UQCRC1: variants seen among roughly 807,000 people sequenced by gnomAD.
UQCRC1 encodes ubiquinol-cytochrome c reductase core protein 1, also known as cytochrome b-c1 complex subunit 1, mitochondrial.
A neutral mutation model predicts 58.0 loss-of-function variants in UQCRC1; 34 were observed. The ratio of observed to expected loss-of-function variants is 0.59; its 90% CI spans 0.45 to 0.78. UQCRC1 has a LOEUF of 0.78. UQCRC1 is among the 30% of genes least tolerant of loss of function. The pLI is 0.00. For missense variants in UQCRC1, 610 were observed against 646.0 expected (o/e 0.94, Z 0.60); for synonymous variants, 276 against 248.8 (o/e 1.11, Z -1.03).
At chr3:48,605,744 G>C in intron 3 of UQCRC1, 26 bp downstream of exon 3, 1 of 1,610,516 alleles carries the variant, frequency 6.2e-7, no homozygotes, top group Non-Finnish European at 8.5e-7. Context: ...CCTAAGCCCA[G>C]AGGAGACAGA....
Position 48,604,725 on chromosome 3 carries a change from GC to G in UQCRC1, c.352del (p.Ala118ProfsTer50). On this transcript the variant is annotated frameshift_variant, in exon 4 of 13. Transcript: ENST00000203407. LOFTEE classifies it high-confidence loss of function. ...ALEKEVESMG[A>X]HLNAYSTREH... Reference sequence around the variant, plus strand: ...CCGGGTGCTGTAGGCATTAAGATGGGCCCCCATGCTCTCCACCTCCTTCTCC... The same window carrying G: ...CCGGGTGCTGTAGGCATTAAGATGGGCCCCATGCTCTCCACCTCCTTCTCC... The G allele has an allele frequency of 1.9e-6, 3 of 1,614,080 alleles. No individual in the cohort carries two copies. Among genetic ancestry groups the G allele is most frequent in the Non-Finnish European group, 2.5e-6 (3 of 1,179,992 alleles).
intron 8 of UQCRC1, 40 bp downstream of exon 8, chr3:48,600,935 T>G: frequency 6.2e-7 from 1 of 1,602,378 alleles, no homozygotes; most frequent in Non-Finnish European, 8.5e-7. Context: ...GCACCCTCTC[T>G]TCCCTGAAGG....
rs191821836 is a variant in UQCRC1, at chr3:48,604,366, G to A, written c.493C>T (p.Arg165Cys). Residue 165 changes from arginine (R) to cysteine (C), a missense_variant, in exon 5 of 13, where the codon CGT becomes TGT. Coordinates refer to ENST00000203407, the MANE Select transcript of UQCRC1 (RefSeq NM_003365.3). ...TGCATCTCCCGCAGGATCACATCAC[G>A]TTCCTTCTCAATCTGTGAGTCTTCC... ...SLEDSQIEKE[R>C]DVILREMQEN... The A allele has an allele frequency of 2.5e-6, 4 of 1,614,186 alleles. No homozygotes were observed. Among genetic ancestry groups the A allele is most frequent in the East Asian group, 2.2e-5 (1 of 44,890 alleles).
At position 48,600,645 on chromosome 3, in the gene UQCRC1, G is replaced by C. The variant is rs778046409; in HGVS notation, c.1127+35C>G. ...GCCTCCCACTGTGCTGGTTAAAGCC[G>C]CCATCCCACCTAGGAATACCAGGCT... On this transcript the variant is annotated intron_variant, in intron 9 of 12. Coordinates refer to ENST00000203407, the MANE Select transcript of UQCRC1 (RefSeq NM_003365.3). The C allele has an allele frequency of 2.5e-6, 4 of 1,613,878 alleles. No individual in the cohort carries two copies. The Admixed American group carries it at 6.7e-5, about 27-fold the overall frequency.
At position 48,600,525 on chromosome 3, in the gene UQCRC1, C is replaced by CCGGG; in HGVS notation, c.1166_1169dup (p.Gly391ProfsTer22). 1 of 1,614,058 alleles carries CCGGG rather than the reference C, an allele frequency of 6.2e-7. No individual in the cohort carries two copies. Among genetic ancestry groups the CCGGG allele is most frequent in the Non-Finnish European group, 8.5e-7 (1 of 1,180,002 alleles). ...GGGCATTTCTGAGGATGTTTTTGCCCCGGGCCACCTCACTCTCCGTGGCAC... is the reference window on the plus strand; with the variant it reads ...GGGCATTTCTGAGGATGTTTTTGCCCCGGGCGGGCCACCTCACTCTCCGTGGCAC... On this transcript the variant is annotated frameshift_variant, in exon 10 of 13. Coordinates refer to ENST00000203407, the MANE Select transcript of UQCRC1 (RefSeq NM_003365.3). LOFTEE classifies it high-confidence loss of function.
chr3:48,599,933 C>T, intron 11 of UQCRC1, 130 bp downstream of exon 11: 2 of 1,195,334 alleles, frequency 1.7e-6, no homozygotes, highest in Non-Finnish European at 2.4e-6. Context: ...GCTACCCCTG[C>T]AGGTGACAGC....
intron 4 of UQCRC1, 62 bp downstream of exon 4, chr3:48,604,589 C>T: frequency 1.2e-6 from 2 of 1,609,118 alleles, no homozygotes; most frequent in South Asian, 1.1e-5. Context: ...CAGCCAGGGG[C>T]TCCTAGGTAG....
chr3:48,600,533 C>T lies in UQCRC1; in HGVS notation c.1162G>A (p.Val388Met). The T allele has an allele frequency of 6.2e-7, 1 of 1,614,116 alleles. No homozygotes were observed. Among genetic ancestry groups the T allele is most frequent in the Non-Finnish European group, 8.5e-7 (1 of 1,180,014 alleles). The change falls in exon 10 of 13, where the codon GTG becomes ATG. Residue 388 changes from valine to methionine, a missense_variant. Coordinates refer to ENST00000203407, the MANE Select transcript of UQCRC1 (RefSeq NM_003365.3). ...RLCTSATESE[V>M]ARGKNILRNA... is the part of the protein sequence containing the mutation. Reference sequence around the variant, plus strand: ...CTGAGGATGTTTTTGCCCCGGGCCACCTCACTCTCCGTGGCACTGGTACAC... The same window carrying T: ...CTGAGGATGTTTTTGCCCCGGGCCATCTCACTCTCCGTGGCACTGGTACAC...
chr3:48,603,213 G>C (rs555779420), intron 6 of UQCRC1, among the ~76,000 whole-genome samples: 1 of 152,302 alleles, frequency 6.6e-6, no homozygotes, highest in South Asian at 2.1e-4. Flanking sequence ...TATCAGGCAT[G>C]CATCAACACA....
At position 48,599,184 on chromosome 3, in the gene UQCRC1, C is replaced by G. The variant is rs768507724; in HGVS notation, c.1387G>C (p.Glu463Gln). The G allele has an allele frequency of 6.2e-7, 1 of 1,607,524 alleles. No homozygotes were observed. The highest frequency in any genetic ancestry group is 1.1e-5 in the South Asian group (1 of 90,204). ...ATCCGGTTGTAGTCTGGGAGCTGCT[C>G]AATGGGGCCTGTGGGGATAGGGTGG... ...CPAVAGYGPI[E>Q]QLPDYNRIRS... Residue 463 changes from glutamate (E) to glutamine (Q), a missense_variant, in exon 13 of 13, where the codon GAG (glutamate) becomes CAG (glutamine). Glu to Gln is a conservative substitution (Grantham distance 29). Coordinates refer to ENST00000203407, the MANE Select transcript of UQCRC1 (RefSeq NM_003365.3).
Position 48,604,443 on chromosome 3 carries a change from G to T in UQCRC1, c.428-12C>A. Reference sequence around the variant, plus strand: ...CAGGAGCTCCACAGCTAGATGCAAGGAGGACATGTTTAGGTGCCAGGTGGA... The same window carrying T: ...CAGGAGCTCCACAGCTAGATGCAAGTAGGACATGTTTAGGTGCCAGGTGGA... On this transcript the variant is annotated splice_polypyrimidine_tract_variant and intron_variant, in intron 4 of 12. Coordinates refer to ENST00000203407, the MANE Select transcript of UQCRC1 (RefSeq NM_003365.3). The T allele has an allele frequency of 1.2e-6, 2 of 1,613,148 alleles. No homozygotes were observed. Among genetic ancestry groups the T allele is most frequent in the Middle Eastern group, 1.7e-4 (1 of 6,022 alleles).
At position 48,609,321 on chromosome 3, in the gene UQCRC1, G is replaced by C. The variant is rs1443269629; in HGVS notation, c.70-19C>G. On this transcript the variant is annotated intron_variant, in intron 1 of 12. Coordinates refer to ENST00000203407, the MANE Select transcript of UQCRC1 (RefSeq NM_003365.3). ...GGGCCGGCTGTGGAAGGGAACAGCC[G>C]CGAGTGAGGACTCGGTCAGGGGATC... 6.3e-7 allele frequency: 1 copy of C among 1,594,874 alleles called. No homozygotes were observed.
rs1234242990 is a variant in UQCRC1 at position 48,600,468 on chromosome 3, GC to G, written c.1213+13del. On this transcript the variant is annotated intron_variant, in intron 10 of 12. Coordinates refer to ENST00000203407, the MANE Select transcript of UQCRC1 (RefSeq NM_003365.3). ...GATGTACTCTACCCCTCCCCGCTGA[GC>G]TGTAGGACTCACCATCTAGATGAGA... 1 of 1,614,088 alleles carries G rather than the reference GC, an allele frequency of 6.2e-7. No homozygotes were observed. The highest frequency in any genetic ancestry group is 8.5e-7 in the Non-Finnish European group (1 of 1,179,978).
At chr3:48,605,407 AG>A (rs1425891408) in intron 3 of UQCRC1, among the ~76,000 whole-genome samples, 1 of 152,188 alleles carries the variant, frequency 6.6e-6, no homozygotes, top group Non-Finnish European at 1.5e-5. Flanking sequence ...TTTACAACCA[AG>A]GGATGCCTAG....
chr3:48,599,079 G>C lies in UQCRC1; in HGVS notation c.*49C>G, dbSNP rs1188813580. 6.2e-7 allele frequency: 1 copy of C among 1,600,686 alleles called. No homozygotes were observed. Among genetic ancestry groups the C allele is most frequent in the Non-Finnish European group, 8.5e-7 (1 of 1,170,502 alleles). On this transcript the variant is annotated 3_prime_UTR_variant, in exon 13 of 13. Coordinates refer to ENST00000203407, the MANE Select transcript of UQCRC1 (RefSeq NM_003365.3). ...CGAAGTGCTGTGTTTGTGGTGGGGG[G>C]GGGACCACAAACCCCGGCCCTGCCC...
chr3:48,599,415 C>A, intron 12 of UQCRC1: 1 of 691,154 alleles, frequency 1.4e-6, no homozygotes, highest in East Asian at 2.7e-5. Flanking sequence ...CTGACGGGTG[C>A]AGGGTATTGA....
At chr3:48,599,442 G>A (rs1476083024) in intron 12 of UQCRC1, 193 bp downstream of exon 12, 2 of 700,522 alleles carry the variant, frequency 2.9e-6, no homozygotes, top group African/African-American at 3.6e-5. Context: ...CACCTTGGCA[G>A]GCAGTCAAGG....
At chr3:48,600,216 C>CA in intron 10 of UQCRC1, 65 bp from the exon 11 acceptor site, 1 of 1,560,858 alleles carries the variant, frequency 6.4e-7, no homozygotes, top group Admixed American at 1.7e-5. Flanking sequence ...GGTACACAAA[C>CA]AATCTCCAGC....
intron 1 of UQCRC1, 94 bp from the exon 2 acceptor site, chr3:48,609,396 G>A (rs2046444260): frequency 6.6e-7 from 1 of 1,523,362 alleles, no homozygotes; most frequent in Non-Finnish European, 8.8e-7. Context: ...CCGCCCCTAG[G>A]CAAGCGGCGA....
Sources: allele counts gnomAD v4.1 joint callset (sites outside exome capture counted in the v4.1 genomes callset), GRCh38; gene constraint gnomAD v4.1.1; transcripts MANE v1.5; gene names NCBI Gene and HGNC (gene_info 2026-07-23, HGNC 2026-07-21).